Variants in SMARCA4 observed in about 807,000 individuals in gnomAD.
SMARCA4 encodes the protein SWI/SNF-related matrix-associated actin-dependent regulator of chromatin subfamily A member 4.
In SMARCA4, 31 loss-of-function variants were observed where a neutral mutation model predicts 193.9. The ratio of observed to expected loss-of-function variants is 0.16; its 90% CI spans 0.12 to 0.22. The LOEUF (loss-of-function observed/expected upper bound fraction) is 0.22, where lower values mean the gene tolerates loss of function less well. SMARCA4 is among the 10% of genes least tolerant of loss of function. The probability of loss-of-function intolerance (pLI) is 1.00; values close to 1 mark genes in which losing one functional copy is unlikely to be tolerated. For synonymous variants in SMARCA4, 942 were observed against 933.1 expected (o/e 1.01, Z -0.17); for missense variants, 1,148 against 2,296.0 (o/e 0.50, Z 10.22).
At chr19:10,971,040 T>C (rs1236771506) in intron 1 of SMARCA4, among the ~76,000 whole-genome samples, 1 of 151,960 alleles carries the variant, frequency 6.6e-6, no homozygotes, top group African/African-American at 2.4e-5. Flanking sequence ...CTACTAAAAA[T>C]ACAAAATTAG....
In SMARCA4 at chr19:11,033,221, G is replaced by A; in HGVS notation, c.3547-69G>A. 8.2e-7 allele frequency: 1 copy of A among 1,219,946 alleles called. No individual in the cohort carries two copies. 75.6% of individuals were successfully genotyped at this position (1,219,946 alleles called of 1,614,324 possible). A position where few individuals can be genotyped will look rare whatever the true frequency, so the allele number is the denominator to read the frequency against. ...CGCACAGCACACCTCTCCAGCTAGTGTCAGAGGCCACCTTCCCTTTTATGA... is the reference window on the plus strand; with the variant it reads ...CGCACAGCACACCTCTCCAGCTAGTATCAGAGGCCACCTTCCCTTTTATGA... On this transcript the variant is annotated intron_variant, in intron 25 of 34. Transcript: ENST00000344626. The surrounding 1 kb of genome is among the most constrained non-coding windows in gnomAD (Gnocchi z 9.8).
At chr19:10,996,110 G>C in intron 9 of SMARCA4, 103 bp from the exon 10 acceptor site, 1 of 1,150,564 alleles carries the variant, frequency 8.7e-7, no homozygotes, top group South Asian at 1.2e-5. Context: ...GCACCCGCGT[G>C]AGCTACGCGT....
rs1060504432 is a variant in SMARCA4, at chr19:10,994,908, G to A, written c.1500G>A (p.Leu500=). ...CCGTCACAGGCAAAATCCAGAAGCT[G>A]ACCAAGGCAGTGGCCACGTACCATG... ...HRSVTGKIQK[L]TKAVATYHAN... The change falls in exon 9 of 35, where the codon CTG becomes CTA. Residue 500 remains leucine, a synonymous_variant. Coordinates refer to ENST00000344626, the MANE Select transcript of SMARCA4 (RefSeq NM_003072.5). The A allele has an allele frequency of 1.9e-6, 3 of 1,614,048 alleles. No homozygotes were observed. The Admixed American group carries it at 5.0e-5, about 27-fold the overall frequency.
intron 1 of SMARCA4, among the ~76,000 whole-genome samples, chr19:10,963,309 G>A (rs766853686): frequency 6.7e-6 from 1 of 149,506 alleles, no homozygotes; most frequent in African/African-American, 2.5e-5. Flanking sequence ...AGAGGTGGAG[G>A]CTGCAGTGAG....
chr19:10,963,386 A>G (rs913185831), intron 1 of SMARCA4, among the ~76,000 whole-genome samples: 30 of 151,424 alleles, frequency 2.0e-4, no homozygotes, highest in South Asian at 8.3e-4. Flanking sequence ...AAAAAAAAAA[A>G]AAAAAGAAAA....
In SMARCA4 at chr19:11,031,169, C is replaced by T; in HGVS notation, c.3546+276C>T. On this transcript the variant is annotated intron_variant, in intron 25 of 34. Transcript: ENST00000344626. The surrounding 1 kb of genome is among the most constrained non-coding windows in gnomAD (Gnocchi z 4.3). The stretch of plus-strand genomic sequence containing the variant: ...TTTTTCTTAAATCTTGGAATGGCAC[C>T]CATGAGGAGGTGGAAAGTATCCTGA... The T allele has an allele frequency of 2.1e-6, 1 of 473,142 alleles. No individual in the cohort carries two copies. Among genetic ancestry groups the T allele is most frequent in the Non-Finnish European group, 3.9e-6 (1 of 255,512 alleles). 29.3% of individuals were successfully genotyped at this position (473,142 alleles called of 1,614,324 possible).
rs2145371936 is a variant in SMARCA4, at chr19:10,962,285, T to G, written c.-32+1111T>G. ...GGGAAGCACTATTGTAATTGTCTGGTCCAATCTCCCTCATTGTTCAGCAGA... is the reference window on the plus strand; with the variant it reads ...GGGAAGCACTATTGTAATTGTCTGGGCCAATCTCCCTCATTGTTCAGCAGA... On this transcript the variant is annotated intron_variant, in intron 1 of 34. Coordinates refer to ENST00000344626, the MANE Select transcript of SMARCA4 (RefSeq NM_003072.5). Among the ~76,000 whole-genome samples the G allele has an allele frequency of 2.0e-5, 3 of 152,294 alleles. No homozygotes were observed. In the Middle Eastern group the frequency reaches 0.01, roughly 518 times the overall value.
rs747797356 is a variant in SMARCA4 at position 11,003,404 on chromosome 19, G to C, written c.2001+7G>C. 1 of 1,612,948 alleles carries C rather than the reference G, an allele frequency of 6.2e-7. No homozygotes were observed. The highest frequency in any genetic ancestry group is 2.2e-5 in the East Asian group (1 of 44,890). On this transcript the variant is annotated splice_region_variant and intron_variant, in intron 13 of 34. Coordinates refer to ENST00000344626, the MANE Select transcript of SMARCA4 (RefSeq NM_003072.5). ...CTCAGAAGAAGAGGAAGAGGTAAGA[G>C]TGCATTTCCTGGCTTTCAAGGCTCT...
At chr19:10,982,040 A>G (rs951023795) in intron 1 of SMARCA4, among the ~76,000 whole-genome samples, 5 of 151,978 alleles carry the variant, frequency 3.3e-5, no homozygotes, top group African/African-American at 1.2e-4. Context: ...TAGATCACCT[A>G]ATACAATGTA....
At chr19:11,024,228 G>A (rs1448380565) in intron 20 of SMARCA4, 103 bp from the exon 21 acceptor site, 3 of 793,568 alleles carry the variant, frequency 3.8e-6, no homozygotes, top group Non-Finnish European at 4.5e-6. Flanking sequence ...GCTCTGGTCA[G>A]AGCTCATATG....
intron 29 of SMARCA4, among the ~76,000 whole-genome samples, chr19:11,036,996 C>T (rs1288244842): frequency 2.0e-5 from 3 of 152,168 alleles, no homozygotes; most frequent in African/African-American, 7.2e-5. Context: ...AATCCTGCCT[C>T]GTACAGATTT....
Position 11,030,081 on chromosome 19 carries a change from G to A in SMARCA4, c.3383-649G>A, listed in dbSNP as rs763816346. ...TTGACATTGCCTTAATGCCCACAACGCTGAGGGCATCGTGGGTTGTCACCC... is the reference window on the plus strand; with the variant it reads ...TTGACATTGCCTTAATGCCCACAACACTGAGGGCATCGTGGGTTGTCACCC... On this transcript the variant is annotated intron_variant, in intron 24 of 34. Coordinates refer to ENST00000344626, the MANE Select transcript of SMARCA4 (RefSeq NM_003072.5). The surrounding 1 kb of genome is among the most constrained non-coding windows in gnomAD (Gnocchi z 5.5). Among the ~76,000 whole-genome samples the A allele has an allele frequency of 4.6e-5, 7 of 152,184 alleles. No homozygotes were observed. The highest frequency in any genetic ancestry group is 1.9e-4 in the East Asian group (1 of 5,190).
intron 30 of SMARCA4, among the ~76,000 whole-genome samples, chr19:11,049,146 G>C (rs1423131170): frequency 6.6e-6 from 1 of 152,172 alleles, no homozygotes; most frequent in Non-Finnish European, 1.5e-5. Flanking sequence ...TCCACTGGGA[G>C]GAGAGGGACA....
chr19:11,025,550 G>A (rs2146500906), intron 22 of SMARCA4, 42 bp downstream of exon 22: 4 of 1,436,530 alleles, frequency 2.8e-6, no homozygotes, highest in Non-Finnish European at 3.9e-6. Flanking sequence ...CCTGCTGTCT[G>A]CTGAGCTCCT....
intron 30 of SMARCA4, chr19:11,056,455 G>GAT (rs1191073873): frequency 1.3e-5 from 2 of 152,466 alleles, no homozygotes; most frequent in East Asian, 3.9e-4. Flanking sequence ...GAGATGGGGA[G>GAT]ATGTACTTCA....
intron 1 of SMARCA4, among the ~76,000 whole-genome samples, chr19:10,971,599 C>T (rs1329700905): frequency 1.3e-5 from 2 of 151,738 alleles, no homozygotes; most frequent in Non-Finnish European, 2.9e-5. Flanking sequence ...ACCTTGGCTT[C>T]CCAAGTAGCT....
chr19:11,001,562 TTGAC>T (rs1409287782), intron 11 of SMARCA4, among the ~76,000 whole-genome samples: 3 of 152,206 alleles, frequency 2.0e-5, no homozygotes, highest in Non-Finnish European at 4.4e-5. Flanking sequence ...ATCGGCATCT[TTGAC>T]TGCTCCTCCC....
At chr19:10,965,741 T>C (rs573387586) in intron 1 of SMARCA4, among the ~76,000 whole-genome samples, 106 of 152,294 alleles carry the variant, frequency 7.0e-4, no homozygotes, top group Non-Finnish European at 1.1e-3. Flanking sequence ...TGTGACCCGA[T>C]AGTATTTGTG....
chr19:11,057,488 C>A (rs1485221007), intron 30 of SMARCA4, among the ~76,000 whole-genome samples: 3 of 152,100 alleles, frequency 2.0e-5, no homozygotes, highest in Non-Finnish European at 4.4e-5. Context: ...CCCAGCACTT[C>A]GGGAGGCCAA....
Sources: allele counts gnomAD v4.1 joint callset (sites outside exome capture counted in the v4.1 genomes callset), GRCh38; gene constraint gnomAD v4.1.1; non-coding constraint Gnocchi (gnomAD v3.1); transcripts MANE v1.5; gene names NCBI Gene and HGNC (gene_info 2026-07-23, HGNC 2026-07-21).